HDAC9: variants seen among roughly 807,000 people sequenced by gnomAD.
HDAC9 encodes MEF-2 interacting transcription repressor (MITR) protein.
Under a neutral mutation model 139.4 loss-of-function variants are expected in HDAC9, and 41 were observed. The ratio of observed to expected loss-of-function variants is 0.29; its 90% confidence interval spans 0.23 to 0.38. The LOEUF is 0.38. Ranked by LOEUF, HDAC9 falls within the 10% of genes least tolerant of loss-of-function variation. The pLI, the probability that HDAC9 is intolerant of heterozygous loss-of-function variation, is 1.00. For missense variants in HDAC9, 1,147 were observed against 1,297.0 expected (o/e 0.88, Z 1.78); for synonymous variants, 517 against 476.2 (o/e 1.09, Z -1.12).
chr7:18,366,553 A>G (rs1228103712), intron 1 of HDAC9, among the ~76,000 whole-genome samples: 5 of 152,198 alleles, frequency 3.3e-5, no homozygotes, highest in South Asian at 4.1e-4. Flanking sequence ...TTTTATATGG[A>G]TACACTATAA....
At chr7:18,604,265 A>C (rs140395430) in intron 6 of HDAC9, among the ~76,000 whole-genome samples, 10 of 151,580 alleles carry the variant, frequency 6.6e-5, no homozygotes, top group Non-Finnish European at 1.0e-4. Flanking sequence ...ACCTTTTGCA[A>C]TTTTCTTAGA....
intron 22 of HDAC9, among the ~76,000 whole-genome samples, chr7:18,933,489 C>A (rs1407359404): frequency 6.6e-6 from 1 of 152,032 alleles, no homozygotes; most frequent in African/African-American, 2.4e-5. Context: ...GGCTGCCTCT[C>A]AAAAACATCA....
At chr7:18,457,700 C>A (rs1793467845) in intron 1 of HDAC9, among the ~76,000 whole-genome samples, 2 of 152,100 alleles carry the variant, frequency 1.3e-5, no homozygotes, top group African/African-American at 4.8e-5. Context: ...GTTGTTGAGG[C>A]ATTAGTGAGT....
chr7:18,485,985 C>T (rs1006792660), intron 1 of HDAC9, among the ~76,000 whole-genome samples: 2 of 152,078 alleles, frequency 1.3e-5, no homozygotes, highest in Non-Finnish European at 2.9e-5. Context: ...AATTTATTTA[C>T]AGTTCTGGAG....
In HDAC9 at chr7:18,407,886, T is replaced by G. The variant is rs1345175334; in HGVS notation, c.-41-88376T>G. 3.9e-5 allele frequency among the ~76,000 whole-genome samples: 6 copies of G among 152,170 alleles called. No individual in the cohort carries two copies. In the East Asian group the frequency reaches 1.2e-3, roughly 29 times the overall value. The stretch of plus-strand genomic sequence containing the variant: ...TCAGTAGGTTAGGATCTGCTAAGAT[T>G]TGATCCTAAATTATTTTTCAGATAG... On this transcript the variant is annotated intron_variant, in intron 1 of 3. Transcript: ENST00000413509.
At chr7:18,136,869 C>T (rs1344303726) in intron 1 of HDAC9, among the ~76,000 whole-genome samples, 1 of 151,906 alleles carries the variant, frequency 6.6e-6, no homozygotes, top group Admixed American at 6.6e-5. Context: ...ATGGGGATGG[C>T]ATTGAATCTG....
At chr7:18,682,585 C>T (rs1781963001) in intron 12 of HDAC9, among the ~76,000 whole-genome samples, 1 of 151,954 alleles carries the variant, frequency 6.6e-6, no homozygotes, top group South Asian at 2.1e-4. Flanking sequence ...AAAATATAGC[C>T]ATGGCAGAAA....
intron 16 of HDAC9, among the ~76,000 whole-genome samples, chr7:18,789,652 G>A (rs1018123695): frequency 1.3e-5 from 2 of 152,010 alleles, no homozygotes; most frequent in East Asian, 3.9e-4. Context: ...TCTTCTTATA[G>A]TTCCAAACCC....
At chr7:18,594,600 C>T (rs75822641) in intron 6 of HDAC9, among the ~76,000 whole-genome samples, 3,512 of 151,972 alleles carry the variant, frequency 0.023, 137 homozygotes, top group African/African-American at 0.08. Flanking sequence ...GGGGAAATAG[C>T]GCAATTAAGC....
intron 14 of HDAC9, among the ~76,000 whole-genome samples, chr7:18,755,675 G>A (rs1358707415): frequency 2.0e-5 from 3 of 152,034 alleles, no homozygotes; most frequent in Admixed American, 6.6e-5. Flanking sequence ...TTCTGGTGAG[G>A]ACAGTGATTT....
chr7:18,536,446 C>T (rs769633461), intron 2 of HDAC9, among the ~76,000 whole-genome samples: 3 of 152,118 alleles, frequency 2.0e-5, no homozygotes, highest in Admixed American at 6.6e-5. Context: ...AGAACAATTA[C>T]GTATTCCTCA....
chr7:18,442,011 C>G (rs185179494), intron 1 of HDAC9, among the ~76,000 whole-genome samples: 6 of 152,246 alleles, frequency 3.9e-5, no homozygotes, highest in Admixed American at 3.3e-4. Context: ...ACCTCGTGAT[C>G]TGCCCGCCTC....
chr7:18,291,571 A>G (rs1209211959), intron 1 of HDAC9, among the ~76,000 whole-genome samples: 1 of 151,924 alleles, frequency 6.6e-6, no homozygotes, highest in East Asian at 1.9e-4. Flanking sequence ...TAGGGTTGTG[A>G]TTTGTCCAAG....
chr7:18,563,200 C>T (rs1821146161), intron 2 of HDAC9, among the ~76,000 whole-genome samples: 3 of 152,056 alleles, frequency 2.0e-5, no homozygotes, highest in Non-Finnish European at 2.9e-5. Context: ...TCAAAAAGTT[C>T]AATGTGGCCG....
chr7:18,156,606 T>G (rs1787223844), intron 1 of HDAC9, among the ~76,000 whole-genome samples: 1 of 152,232 alleles, frequency 6.6e-6, no homozygotes, highest in South Asian at 2.1e-4. Context: ...GGTACTCTAC[T>G]AGGTGTGGGG....
At position 18,207,993 on chromosome 7, in the gene HDAC9, T is replaced by G. The variant is rs563882736; in HGVS notation, c.25+45644T>G. Among the ~76,000 whole-genome samples the G allele has an allele frequency of 8.5e-5, 13 of 152,208 alleles. No individual in the cohort carries two copies. The East Asian group carries it at 2.3e-3, about 27-fold the overall frequency. On this transcript the variant is annotated intron_variant, in intron 2 of 12. Transcript: ENST00000417496. ...CCTCCGAAAGTGCTGGGATTACAGGTGTGAGCCACTGTGCTCGGCCTATTT... is the reference window on the plus strand; with the variant it reads ...CCTCCGAAAGTGCTGGGATTACAGGGGTGAGCCACTGTGCTCGGCCTATTT...
At chr7:18,894,432 C>T (rs571784266) in intron 22 of HDAC9, among the ~76,000 whole-genome samples, 376 of 152,126 alleles carry the variant, frequency 2.5e-3, no homozygotes, top group African/African-American at 8.6e-3. Flanking sequence ...CAAAGAGGAG[C>T]ACAAGCCATT....
chr7:18,573,165 G>A (rs923646428), intron 2 of HDAC9, among the ~76,000 whole-genome samples: 3 of 152,180 alleles, frequency 2.0e-5, no homozygotes, highest in Non-Finnish European at 4.4e-5. Context: ...TTTATGCCAT[G>A]TAGTAGTTGA....
intron 1 of HDAC9, among the ~76,000 whole-genome samples, chr7:18,156,284 C>A (rs112437340): frequency 3.3e-5 from 5 of 152,208 alleles, no homozygotes; most frequent in African/African-American, 1.2e-4. Flanking sequence ...ATTGAAAAGC[C>A]TGGGAAGTGA....
Sources: gnomAD v4.1 joint callset for allele counts (sites outside exome capture counted in the v4.1 genomes callset) on GRCh38, gnomAD v4.1.1 for gene constraint, MANE v1.5 for transcripts, NCBI Gene and HGNC (gene_info 2026-07-23, HGNC 2026-07-21) for gene names.